The following HIPK3 variants were observed in gnomAD, a reference collection of about 807,000 sequenced individuals.
HIPK3 encodes the protein homeodomain-interacting protein kinase 3.
HIPK3 carries 47 observed loss-of-function variants against 124.2 expected under a neutral mutation model. That is an observed-to-expected ratio of 0.38 (90% CI 0.30 to 0.48). The LOEUF (loss-of-function observed/expected upper bound fraction) is 0.48. HIPK3 is among the 20% of genes least tolerant of loss of function. HIPK3 has a pLI of 0.98. For synonymous variants in HIPK3, 482 were observed against 515.2 expected, an observed-to-expected ratio of 0.94 and a Z score of 0.87; for missense variants, 1,286 against 1,454.3, an observed-to-expected ratio of 0.88 and a Z score of 1.88.
At chr11:33,256,994 G>T (rs1850680942), upstream of HIPK3, among the ~76,000 whole-genome samples, 1 of 152,168 alleles carries the variant, frequency 6.6e-6, no homozygotes, top group Non-Finnish European at 1.5e-5. Flanking sequence ...CCGGGATCTC[G>T]AAAGGCCTGT....
At position 33,287,417 on chromosome 11, in the gene HIPK3, C is replaced by T. The variant is rs142299107; in HGVS notation, c.1003C>T (p.Arg335Trp). 1.3e-4 allele frequency: 208 copies of T among 1,614,076 alleles called. No individual in the cohort carries two copies. The highest frequency in any genetic ancestry group is 5.0e-4 in the Admixed American group (30 of 60,002). The change falls in exon 2 of 17, where the codon CGG becomes TGG. Residue 335 changes from arginine to tryptophan, a missense_variant. By Grantham distance (101) the Arg-to-Trp change is moderately radical. Coordinates refer to ENST00000303296, the MANE Select transcript of HIPK3 (RefSeq NM_005734.5). ...GAATATTATGTTGGTGGATCCTGTTCGGCAGCCTTACAGGGTTAAAGTAAT... is the reference window on the plus strand; with the variant it reads ...GAATATTATGTTGGTGGATCCTGTTTGGCAGCCTTACAGGGTTAAAGTAAT... ...PENIMLVDPV[R>W]QPYRVKVIDF...
At chr11:33,269,818 G>A (rs1851073832) in intron 1 of HIPK3, among the ~76,000 whole-genome samples, 1 of 151,832 alleles carries the variant, frequency 6.6e-6, no homozygotes, top group Non-Finnish European at 1.5e-5. Context: ...CCCCTACTCA[G>A]TTCTTAGCTT....
chr11:33,339,679 CACCA>C, intron 6 of HIPK3, 145 bp downstream of exon 6: 1 of 569,242 alleles, frequency 1.8e-6, no homozygotes, highest in Non-Finnish European at 3.1e-6. Context: ...AGTTCACATA[CACCA>C]GTAAGTGTCA....
intron 3 of HIPK3, among the ~76,000 whole-genome samples, chr11:33,334,188 A>G (rs1853069730): frequency 1.3e-5 from 2 of 152,312 alleles, no homozygotes; most frequent in African/African-American, 4.8e-5. Flanking sequence ...AGACATGTAA[A>G]AAATTGTAAT....
chr11:33,310,265 TGTCTGTC>T (rs1341212548), intron 2 of HIPK3, among the ~76,000 whole-genome samples: 2 of 75,964 alleles, frequency 2.6e-5, no homozygotes, highest in African/African-American at 7.7e-5. Flanking sequence ...TCTGTCTGTC[TGTCTGTC>T]TGTCTATCTT....
chr11:33,300,761 G>T (rs1255815381), intron 2 of HIPK3, among the ~76,000 whole-genome samples: 3 of 151,946 alleles, frequency 2.0e-5, no homozygotes, highest in African/African-American at 7.2e-5. Flanking sequence ...TTTTTTGAGA[G>T]TCTCACTCAG....
chr11:33,263,023 G>A (rs1850866705), intron 1 of HIPK3, among the ~76,000 whole-genome samples: 1 of 152,010 alleles, frequency 6.6e-6, no homozygotes, highest in Non-Finnish European at 1.5e-5. Context: ...ACATGGTCTT[G>A]CTGACACCTT....
In HIPK3 at chr11:33,286,782, A is replaced by T; in HGVS notation, c.368A>T (p.Gln123Leu). Residue 123 changes from glutamine (Q) to leucine (L), a missense_variant, in exon 2 of 17, where the codon CAG becomes CTG. Physicochemically the swap from Gln to Leu is moderately radical, Grantham distance 113 (BLOSUM62 -2). This residue lies in a region of HIPK3 where 225 missense variants were observed against 240.3 expected (regional missense o/e 0.94). Coordinates refer to ENST00000303296, the MANE Select transcript of HIPK3 (RefSeq NM_005734.5). Reference protein sequence around the residue: ...RNRLHFLEGPQRCGLKRKSEE... With the variant: ...RNRLHFLEGPLRCGLKRKSEE... Reference sequence around the variant, plus strand: ...AGATTGCATTTCCTAGAAGGCCCCCAGCGATGTGGATTGAAGCGCAAGAGT... The same window carrying T: ...AGATTGCATTTCCTAGAAGGCCCCCTGCGATGTGGATTGAAGCGCAAGAGT... The T allele has an allele frequency of 6.2e-7, 1 of 1,614,128 alleles. No homozygotes were observed. Among genetic ancestry groups the T allele is most frequent in the Non-Finnish European group, 8.5e-7 (1 of 1,180,040 alleles).
intron 3 of HIPK3, among the ~76,000 whole-genome samples, chr11:33,331,684 G>A (rs1852989061): frequency 6.6e-6 from 1 of 152,120 alleles, no homozygotes; most frequent in Admixed American, 6.6e-5. Flanking sequence ...TGGCCTGGCA[G>A]TTTTTTTCTA....
At chr11:33,323,408 T>A (rs1386600724) in intron 2 of HIPK3, among the ~76,000 whole-genome samples, 1 of 152,194 alleles carries the variant, frequency 6.6e-6, no homozygotes. Flanking sequence ...CACACCTGGC[T>A]AATTTTTGTA....
At position 33,346,924 on chromosome 11, in the gene HIPK3, C is replaced by T. The variant is rs115410304; in HGVS notation, c.1898-369C>T. 5.4e-3 allele frequency among the ~76,000 whole-genome samples: 827 copies of T among 152,214 alleles called. 10 individuals are homozygous for T. The highest frequency in any genetic ancestry group is 0.019 in the African/African-American group (797 of 41,548). ...ACAATCAGGGCTGGGTGTGGTGGCT[C>T]ATGCCTGTGATACCAGAAATTTGGG... On this transcript the variant is annotated intron_variant, in intron 8 of 16. Transcript: ENST00000303296.
intron 1 of HIPK3, among the ~76,000 whole-genome samples, chr11:33,272,625 CTTTTTCCT>C (rs756721311): frequency 4.9e-4 from 74 of 151,750 alleles, no homozygotes; most frequent in Middle Eastern, 3.4e-3. Flanking sequence ...TTTTTCTTTC[CTTTTTCCT>C]TTTTTCCTTT....
chr11:33,268,586 G>A (rs552853708), intron 1 of HIPK3, among the ~76,000 whole-genome samples: 5 of 93,374 alleles, frequency 5.4e-5, no homozygotes, highest in Admixed American at 5.1e-4. Context: ...GTAAGACTCC[G>A]TCACCAAAAA....
chr11:33,275,884 C>G (rs1433871532), intron 1 of HIPK3, among the ~76,000 whole-genome samples: 1 of 152,206 alleles, frequency 6.6e-6, no homozygotes, highest in Non-Finnish European at 1.5e-5. Context: ...CCTAGGGACT[C>G]TTCATATGCC....
intron 2 of HIPK3, among the ~76,000 whole-genome samples, chr11:33,302,429 C>T: frequency 6.7e-6 from 1 of 148,496 alleles, no homozygotes; most frequent in East Asian, 2.0e-4. Flanking sequence ...CTTCGCCTCC[C>T]TGGTTCAAAT....
intron 2 of HIPK3, among the ~76,000 whole-genome samples, chr11:33,312,844 G>A (rs1210170954): frequency 6.6e-6 from 1 of 152,144 alleles, no homozygotes; most frequent in African/African-American, 2.4e-5. Context: ...ACAATAATCT[G>A]GAAAGGCAAG....
Position 33,352,327 on chromosome 11 carries a change from G to A in HIPK3, c.3171+62G>A, listed in dbSNP as rs556796391. The A allele has an allele frequency of 8.3e-5, 129 of 1,556,464 alleles. No individual in the cohort carries two copies. The East Asian group carries it at 1.6e-3, about 20-fold the overall frequency. ...TTCAAATTTAGCAGTTGTTTTTCAC[G>A]TGGAGGAGAAAGCTTCTGAAACTGT... On this transcript the variant is annotated intron_variant, in intron 16 of 16. Transcript: ENST00000303296.
chr11:33,286,580 C>A lies in HIPK3; in HGVS notation c.166C>A (p.Pro56Thr), dbSNP rs1240676783. 16 of 1,613,946 alleles carry A rather than the reference C, an allele frequency of 9.9e-6. No homozygotes were observed. The highest frequency in any genetic ancestry group is 1.3e-5 in the Non-Finnish European group (15 of 1,180,022). Residue 56 changes from proline (P) to threonine (T), a missense_variant, in exon 2 of 17, where the codon CCC becomes ACC. Coordinates refer to ENST00000303296, the MANE Select transcript of HIPK3 (RefSeq NM_005734.5). Reference protein sequence around the residue: ...NGRNFGNSHPPTKGSAFQTKI... With the variant: ...NGRNFGNSHPTTKGSAFQTKI... ...TAGAAACTTTGGAAATTCTCATCCT[C>A]CCACTAAGGGTAGTGCTTTTCAGAC...
intron 2 of HIPK3, among the ~76,000 whole-genome samples, chr11:33,296,857 T>C (rs888601820): frequency 6.6e-6 from 1 of 152,150 alleles, no homozygotes; most frequent in African/African-American, 2.4e-5. Context: ...GGCCTCTCAG[T>C]GTTCTAAGAG....
Sources: gnomAD v4.1 joint callset for allele counts (sites outside exome capture counted in the v4.1 genomes callset) on GRCh38, gnomAD v4.1.1 for gene constraint, gnomAD v4.1.1 regional missense constraint, MANE v1.5 for transcripts, NCBI Gene and HGNC (gene_info 2026-07-23, HGNC 2026-07-21) for gene names.